The following KIAA1217 variants were observed in gnomAD, a reference collection of about 807,000 sequenced individuals.
KIAA1217 encodes sickle tail protein homolog.
Under a neutral mutation model 163.9 loss-of-function variants are expected in KIAA1217, and 88 were observed. The ratio of observed to expected loss-of-function variants is 0.54; its 90% confidence interval spans 0.45 to 0.64. The LOEUF is 0.64. KIAA1217 is among the 30% of genes least tolerant of loss of function. The pLI, the probability that KIAA1217 is intolerant of heterozygous loss-of-function variation, is 0.00. For synonymous variants in KIAA1217, 903 were observed against 923.1 expected (o/e 0.98, Z 0.39); for missense variants, 2,372 against 2,475.0 (o/e 0.96, Z 0.88).
chr10:24,423,245 G>C (rs568569635), intron 3 of KIAA1217, among the ~76,000 whole-genome samples: 1 of 151,372 alleles, frequency 6.6e-6, no homozygotes, highest in African/African-American at 2.4e-5. Context: ...TGTTCTTTCA[G>C]GGTGCTAACA....
At chr10:24,244,935 A>T (rs143613632) in intron 2 of KIAA1217, among the ~76,000 whole-genome samples, 1 of 152,114 alleles carries the variant, frequency 6.6e-6, no homozygotes, top group Non-Finnish European at 1.5e-5. Flanking sequence ...CAGCAGGAAC[A>T]GTCTTCAACT....
intron 2 of KIAA1217, among the ~76,000 whole-genome samples, chr10:24,106,417 G>A (rs2062630479): frequency 6.6e-6 from 1 of 151,704 alleles, no homozygotes; most frequent in African/African-American, 2.4e-5. Flanking sequence ...AATGGATGGT[G>A]CTGCAGCAGC....
At chr10:24,377,884 C>T (rs61848113) in intron 2 of KIAA1217, among the ~76,000 whole-genome samples, 2 of 151,572 alleles carry the variant, frequency 1.3e-5, no homozygotes, top group African/African-American at 4.8e-5. Flanking sequence ...TGTAAGGCAC[C>T]GTTATCCCAA....
At chr10:24,167,284 CGTGTGTGTGTGTGT>C (rs35255558) in intron 2 of KIAA1217, among the ~76,000 whole-genome samples, 2 of 148,216 alleles carry the variant, frequency 1.3e-5, no homozygotes, top group African/African-American at 2.5e-5. Context: ...TGTGTATGTG[CGTGTGTGTGTGTGT>C]GTGTGTGTGT....
rs190858486 is a variant in KIAA1217, at chr10:24,412,851, C to G, written c.554-20144C>G. On this transcript the variant is annotated intron_variant, in intron 3 of 20. Transcript: ENST00000376454. ...ACAGATTAATAGTTCAGATCATCTACTTGACATCTCAACCTCAACAAGTCC... is the reference window on the plus strand; with the variant it reads ...ACAGATTAATAGTTCAGATCATCTAGTTGACATCTCAACCTCAACAAGTCC... Among the ~76,000 whole-genome samples, 19 of 152,340 alleles carry G rather than the reference C, an allele frequency of 1.2e-4. No individual in the cohort carries two copies. The East Asian group carries it at 3.3e-3, about 26-fold the overall frequency.
chr10:23,826,616 A>C (rs1470504351), intron 1 of KIAA1217, among the ~76,000 whole-genome samples: 1 of 152,118 alleles, frequency 6.6e-6, no homozygotes, highest in Non-Finnish European at 1.5e-5. Flanking sequence ...CTCCTGATTC[A>C]AGCTGTGGAT....
intron 1 of KIAA1217, among the ~76,000 whole-genome samples, chr10:23,799,393 C>T (rs1246091844): frequency 1.3e-5 from 2 of 152,178 alleles, no homozygotes; most frequent in Admixed American, 6.5e-5. Flanking sequence ...TTTATGAAAG[C>T]ACTTCACAAA....
chr10:23,939,410 G>T (rs1050957552), intron 1 of KIAA1217, among the ~76,000 whole-genome samples: 5 of 152,038 alleles, frequency 3.3e-5, no homozygotes, highest in Non-Finnish European at 7.4e-5. Flanking sequence ...ATAGAAAAAG[G>T]TCTACCATGC....
intron 2 of KIAA1217, among the ~76,000 whole-genome samples, chr10:24,072,226 C>T (rs2061213008): frequency 6.6e-6 from 1 of 151,970 alleles, no homozygotes; most frequent in African/African-American, 2.4e-5. Flanking sequence ...GGGGGTCTCA[C>T]TATGTTGCCC....
chr10:24,345,975 C>T (rs1375884804), intron 2 of KIAA1217, among the ~76,000 whole-genome samples: 1 of 152,152 alleles, frequency 6.6e-6, no homozygotes, highest in Non-Finnish European at 1.5e-5. Flanking sequence ...CCCCGCCATC[C>T]TCCCAGCCCC....
intron 5 of KIAA1217, among the ~76,000 whole-genome samples, chr10:24,463,873 AC>A (rs2062677225): frequency 6.6e-6 from 1 of 152,234 alleles, no homozygotes; most frequent in Admixed American, 6.5e-5. Context: ...AGAGTGGGAC[AC>A]TTTATACACT....
chr10:23,811,229 C>G (rs533524199), intron 1 of KIAA1217, among the ~76,000 whole-genome samples: 49 of 137,634 alleles, frequency 3.6e-4, no homozygotes, highest in African/African-American at 1.1e-3. Context: ...TATAGTATAG[C>G]GTGTATATAT....
chr10:24,314,879 G>A (rs1443276074), intron 2 of KIAA1217, among the ~76,000 whole-genome samples: 1 of 152,162 alleles, frequency 6.6e-6, no homozygotes, highest in Non-Finnish European at 1.5e-5. Context: ...AGGAGGCAGA[G>A]CTTGCAGTGA....
At chr10:24,237,722 C>A (rs1370298585) in intron 2 of KIAA1217, among the ~76,000 whole-genome samples, 1 of 152,200 alleles carries the variant, frequency 6.6e-6, no homozygotes, top group Non-Finnish European at 1.5e-5. Context: ...TGTGTTTGTG[C>A]CCCACTGAGT....
chr10:24,371,824 C>A lies in KIAA1217; in HGVS notation c.355-9045C>A, dbSNP rs200493346. 4.7e-4 allele frequency among the ~76,000 whole-genome samples: 72 copies of A among 152,316 alleles called. 1 individual carries two copies. In the East Asian group the frequency reaches 4.8e-3, roughly 10 times the overall value. On this transcript the variant is annotated intron_variant, in intron 2 of 20. Coordinates refer to ENST00000376454, the MANE Select transcript of KIAA1217 (RefSeq NM_019590.5). Reference sequence around the variant, plus strand: ...AAATGTTTTATGGGAAAGTTCCCTTCCTCTGATCTATTCTTTAAAAATATC... The same window carrying A: ...AAATGTTTTATGGGAAAGTTCCCTTACTCTGATCTATTCTTTAAAAATATC...
intron 1 of KIAA1217, among the ~76,000 whole-genome samples, chr10:23,878,735 G>A (rs1266816833): frequency 1.3e-5 from 2 of 151,908 alleles, no homozygotes; most frequent in African/African-American, 4.8e-5. Flanking sequence ...AGGTGCATCT[G>A]TCTAGAGAAA....
In KIAA1217 at chr10:23,984,588, A is replaced by T. The variant is rs552178083; in HGVS notation, c.-320-22637A>T. On this transcript the variant is annotated intron_variant, in intron 1 of 18. Coordinates refer to the KIAA1217 transcript ENST00000376462. Reference sequence around the variant, plus strand: ...CCATGGAATACTATGCAGCCATAAAAAAGGATGAGTTCATGTCCTTTGCAG... The same window carrying T: ...CCATGGAATACTATGCAGCCATAAATAAGGATGAGTTCATGTCCTTTGCAG... Among the ~76,000 whole-genome samples, 351 of 152,294 alleles carry T rather than the reference A, an allele frequency of 2.3e-3. 1 individual carries two copies. The highest frequency in any genetic ancestry group is 7.9e-3 in the African/African-American group (327 of 41,556).
intron 2 of KIAA1217, among the ~76,000 whole-genome samples, chr10:24,134,824 G>T (rs915212494): frequency 6.6e-5 from 10 of 152,038 alleles, no homozygotes; most frequent in Admixed American, 5.2e-4. Flanking sequence ...CCATCCTCTG[G>T]CTTCAGCTTC....
chr10:24,503,768 C>T (rs182184230), intron 9 of KIAA1217, among the ~76,000 whole-genome samples: 8 of 152,244 alleles, frequency 5.3e-5, no homozygotes, highest in South Asian at 2.1e-4. Context: ...CTCCCAAGTT[C>T]GTTCTTACCT....
Sources: allele counts gnomAD v4.1 joint callset (sites outside exome capture counted in the v4.1 genomes callset), GRCh38; gene constraint gnomAD v4.1.1; transcripts MANE v1.5; gene names NCBI Gene and HGNC (gene_info 2026-07-23, HGNC 2026-07-21).